Variants in GPR26 observed in about 807,000 individuals in gnomAD.
The protein encoded by GPR26 is G protein-coupled receptor 26.
A neutral mutation model predicts 23.1 loss-of-function variants in GPR26; 15 were observed. That is an observed-to-expected ratio of 0.65 (90% CI 0.43 to 1.00). The LOEUF (loss-of-function observed/expected upper bound fraction) is 1.00, where lower values mean the gene tolerates loss of function less well. Among genes scored for constraint, GPR26 ranks in the 50% least tolerant of loss-of-function variants. The pLI, the probability that GPR26 is intolerant of heterozygous loss-of-function variation, is 0.00. For synonymous variants in GPR26, 228 were observed against 222.1 expected (o/e 1.03, Z -0.24); for missense variants, 359 against 470.5 (o/e 0.76, Z 2.19).
In GPR26 at chr10:123,690,030, C is replaced by T. The variant is rs1460054906; in HGVS notation, c.*1870C>T. ...AAATCAGCAAGTGCTGTAAATCAGG[C>T]CTTTTGCCCCACAGAGAGCTGATTG... is the stretch of plus-strand genomic sequence containing the variant. On this transcript the variant is annotated 3_prime_UTR_variant, in exon 3 of 3. Coordinates refer to ENST00000284674, the MANE Select transcript of GPR26 (RefSeq NM_153442.4). 1 of 152,138 alleles carries T rather than the reference C, an allele frequency of 6.6e-6. No homozygotes were observed. Among genetic ancestry groups the T allele is most frequent in the Non-Finnish European group, 1.5e-5 (1 of 68,018 alleles). 9.4% of individuals were successfully genotyped at this position (152,138 alleles called of 1,614,324 possible).
chr10:123,673,363 G>A (rs1845272287), intron 1 of GPR26, among the ~76,000 whole-genome samples: 2 of 152,206 alleles, frequency 1.3e-5, no homozygotes, highest in South Asian at 4.1e-4. Context: ...CCTGGCTCAT[G>A]AATATTCTCT....
intron 2 of GPR26, among the ~76,000 whole-genome samples, chr10:123,684,322 C>G (rs530413469): frequency 6.6e-6 from 1 of 152,206 alleles, no homozygotes; most frequent in African/African-American, 2.4e-5. Flanking sequence ...CAGGGTTGAC[C>G]TTGGCATACA....
rs1157488132 is a variant in GPR26 at position 123,667,019 on chromosome 10, G to A, written c.612G>A (p.Lys204=). The A allele has an allele frequency of 1.2e-6, 2 of 1,610,160 alleles. No homozygotes were observed. Among genetic ancestry groups the A allele is most frequent in the African/African-American group, 1.3e-5 (1 of 74,844 alleles). Residue 204 remains lysine (K), a synonymous_variant, in exon 1 of 3, where the codon AAG becomes AAA. Coordinates refer to ENST00000284674, the MANE Select transcript of GPR26 (RefSeq NM_153442.4). ...TCAAGGTGGCCCGCTTCCATTGCAAGCGCATCGACGTGATCACCATGCAGA... is the reference window on the plus strand; with the variant it reads ...TCAAGGTGGCCCGCTTCCATTGCAAACGCATCGACGTGATCACCATGCAGA... ...KVLKVARFHC[K]RIDVITMQTL... is the part of the protein sequence containing the mutation.
intron 1 of GPR26, among the ~76,000 whole-genome samples, chr10:123,668,187 G>A (rs1407196141): frequency 1.3e-5 from 2 of 152,178 alleles, no homozygotes; most frequent in Non-Finnish European, 2.9e-5. Flanking sequence ...TGGTGGATAT[G>A]TTCCACACCA....
rs766237145 is a variant in GPR26 at position 123,666,473 on chromosome 10, C to T, written c.66C>T (p.Ser22=). 7.0e-5 allele frequency: 109 copies of T among 1,557,362 alleles called. No homozygotes were observed. Among genetic ancestry groups the T allele is most frequent in the Non-Finnish European group, 9.0e-5 (104 of 1,158,258 alleles). ...GCACGATGGGCGTCTCGCTGCTGTC[C>T]AACGCGCTGGTGCTGCTCTGCCTGC... is the stretch of plus-strand genomic sequence containing the variant. ...LVGTMGVSLL[S]NALVLLCLLH... Residue 22 remains serine, a synonymous_variant, in exon 1 of 3, where the codon TCC becomes TCT. Transcript: ENST00000284674.
At chr10:123,678,466 C>T (rs1255107015) in intron 2 of GPR26, among the ~76,000 whole-genome samples, 3 of 152,254 alleles carry the variant, frequency 2.0e-5, no homozygotes, top group East Asian at 1.9e-4. Context: ...GCAGTCAAAT[C>T]AGTGTCTTCC....
chr10:123,673,350 G>T (rs1039486170), intron 1 of GPR26, among the ~76,000 whole-genome samples: 1 of 152,204 alleles, frequency 6.6e-6, no homozygotes, highest in Non-Finnish European at 1.5e-5. Context: ...CGATGTACAT[G>T]AACCTGGCTC....
intron 1 of GPR26, among the ~76,000 whole-genome samples, chr10:123,671,153 T>C (rs892796092): frequency 6.6e-6 from 1 of 152,200 alleles, no homozygotes; most frequent in Non-Finnish European, 1.5e-5. Flanking sequence ...ACTTTAGTTG[T>C]CTAGGGATCC....
At chr10:123,684,474 G>C (rs2133930449) in intron 2 of GPR26, among the ~76,000 whole-genome samples, 1 of 152,284 alleles carries the variant, frequency 6.6e-6, no homozygotes, top group Non-Finnish European at 1.5e-5. Flanking sequence ...CCGTAACAGA[G>C]TACCGCAAAC....
At chr10:123,680,829 G>GA (rs1564732133) in intron 2 of GPR26, among the ~76,000 whole-genome samples, 2 of 109,446 alleles carry the variant, frequency 1.8e-5, no homozygotes, top group African/African-American at 9.1e-5. Context: ...TGTTTTTTTG[G>GA]GGGGGGGGGT....
rs530806035 is a variant in GPR26, at chr10:123,688,922, T to G, written c.*762T>G. 1 of 152,256 alleles carries G rather than the reference T, an allele frequency of 6.6e-6. No individual in the cohort carries two copies. The highest frequency in any genetic ancestry group is 1.5e-5 in the Non-Finnish European group (1 of 68,060). 9.4% of individuals were successfully genotyped at this position (152,256 alleles called of 1,614,324 possible). ...TGTATTAGGTTCTTTCAAGTTTGAC[T>G]GGGAGGTCACCTTTTTCTGATTTAC... On this transcript the variant is annotated 3_prime_UTR_variant, in exon 3 of 3. Coordinates refer to ENST00000284674, the MANE Select transcript of GPR26 (RefSeq NM_153442.4).
rs17608529 is a variant in GPR26, at chr10:123,696,236, C to T, written c.*8076C>T. Among the ~76,000 whole-genome samples, 1,451 of 152,290 alleles carry T rather than the reference C, an allele frequency of 9.5e-3. 12 individuals carry two copies. The highest frequency in any genetic ancestry group is 0.028 in the East Asian group (143 of 5,176). ...CATGGAACACACTCATTTCGCCACA[C>T]GGAGGCTTTACTCTGCCCAGTGTCC... On this transcript the variant is annotated 3_prime_UTR_variant, in exon 3 of 3. Coordinates refer to ENST00000284674, the MANE Select transcript of GPR26 (RefSeq NM_153442.4).
intron 2 of GPR26, among the ~76,000 whole-genome samples, chr10:123,681,938 A>C (rs1845382369): frequency 6.6e-6 from 1 of 152,190 alleles, no homozygotes; most frequent in Admixed American, 6.5e-5. Context: ...AAGTTCAGAG[A>C]GGTGAGATGA....
intron 1 of GPR26, among the ~76,000 whole-genome samples, chr10:123,669,983 C>A (rs2133921833): frequency 6.6e-6 from 1 of 152,346 alleles, no homozygotes; most frequent in South Asian, 2.1e-4. Flanking sequence ...GCCCCTCTCC[C>A]TGGTGCTCCC....
At chr10:123,676,029 C>T (rs375688013) in intron 2 of GPR26, among the ~76,000 whole-genome samples, 1 of 152,182 alleles carries the variant, frequency 6.6e-6, no homozygotes, top group East Asian at 1.9e-4. Context: ...CCCATTTGTC[C>T]TTACACTCAG....
intron 1 of GPR26, among the ~76,000 whole-genome samples, chr10:123,672,250 C>G (rs1408574464): frequency 6.6e-6 from 1 of 151,836 alleles, no homozygotes; most frequent in Non-Finnish European, 1.5e-5. Context: ...AAATCACTCT[C>G]TCTTTTGAGC....
At chr10:123,678,557 G>T (rs1049038442) in intron 2 of GPR26, among the ~76,000 whole-genome samples, 1 of 152,196 alleles carries the variant, frequency 6.6e-6, no homozygotes, top group Non-Finnish European at 1.5e-5. Flanking sequence ...AAGGCAAATA[G>T]AGCCTCCTGG....
chr10:123,666,833 C>T lies in GPR26; in HGVS notation c.426C>T (p.Leu142=), dbSNP rs766994005. ...CGCTCACCTTCCCAGCCGCCGCGCTCGCCCTGTCCTGGCTCGGCTTCCACC... is the reference window on the plus strand; with the variant it reads ...CGCTCACCTTCCCAGCCGCCGCGCTTGCCCTGTCCTGGCTCGGCTTCCACC... ...LHALTFPAAA[L]ALSWLGFHQL... Residue 142 remains leucine, a synonymous_variant, in exon 1 of 3, where the codon CTC becomes CTT. Transcript: ENST00000284674. 1 of 1,610,010 alleles carries T rather than the reference C, an allele frequency of 6.2e-7. No homozygotes were observed. Among genetic ancestry groups the T allele is most frequent in the African/African-American group, 1.3e-5 (1 of 74,862 alleles).
rs532864630 is a variant in GPR26 at position 123,670,167 on chromosome 10, G to T, written c.668+3092G>T. ...CTCTGAGGCTGCCCCAGGCTCTGCT[G>T]GTTCCCCCAGTGTGTCCTCTGTGTC... On this transcript the variant is annotated intron_variant, in intron 1 of 2. Coordinates refer to ENST00000284674, the MANE Select transcript of GPR26 (RefSeq NM_153442.4). Among the ~76,000 whole-genome samples the T allele has an allele frequency of 3.7e-4, 56 of 152,296 alleles. No individual in the cohort carries two copies. The South Asian group carries it at 0.01, about 28-fold the overall frequency.
Sources: gnomAD v4.1 joint callset for allele counts (sites outside exome capture counted in the v4.1 genomes callset) on GRCh38, gnomAD v4.1.1 for gene constraint, MANE v1.5 for transcripts, NCBI Gene and HGNC (gene_info 2026-07-23, HGNC 2026-07-21) for gene names.